The following TSHR variants were observed in gnomAD, a reference collection of about 807,000 sequenced individuals.
TSHR encodes thyrotropin receptor.
Under a neutral mutation model 64.1 loss-of-function variants are expected in TSHR, and 51 were observed. That is an observed-to-expected ratio of 0.80 (90% CI 0.64 to 1.01). The LOEUF is 1.01. Ranked by LOEUF, TSHR falls within the 50% of genes least tolerant of loss-of-function variation. The pLI is 0.00. For missense variants in TSHR, 877 were observed against 942.8 expected, an observed-to-expected ratio of 0.93 and a Z score of 0.91; for synonymous variants, 361 against 361.9, an observed-to-expected ratio of 1.00 and a Z score of 0.03.
At chr14:81,045,903 G>A (rs1039951512) in intron 1 of TSHR, among the ~76,000 whole-genome samples, 1 of 152,138 alleles carries the variant, frequency 6.6e-6, no homozygotes, top group Non-Finnish European at 1.5e-5. Flanking sequence ...CATTCTCATG[G>A]CATCATCAGA....
intron 1 of TSHR, among the ~76,000 whole-genome samples, chr14:81,033,882 AT>A (rs1414228975): frequency 6.6e-6 from 1 of 152,244 alleles, no homozygotes; most frequent in East Asian, 1.9e-4. Flanking sequence ...AGGAATTCTT[AT>A]AGTGGTGATC....
chr14:81,032,443 C>T, intron 1 of TSHR: 1 of 301,720 alleles, frequency 3.3e-6, no homozygotes, highest in South Asian at 4.1e-5. Flanking sequence ...TTGCAAGACA[C>T]TTCAGGTTCA....
intron 1 of TSHR, among the ~76,000 whole-genome samples, chr14:81,058,358 T>C (rs1470265371): frequency 3.9e-5 from 6 of 152,232 alleles, no homozygotes; most frequent in African/African-American, 9.6e-5. Flanking sequence ...CAAATTGGAA[T>C]TGCAAACTCA....
At chr14:81,018,655 C>T (rs1039621026) in intron 1 of TSHR, among the ~76,000 whole-genome samples, 2 of 152,098 alleles carry the variant, frequency 1.3e-5, no homozygotes, top group Admixed American at 1.3e-4. Context: ...TAGAAATGAA[C>T]CTGCATTCAG....
intron 1 of TSHR, among the ~76,000 whole-genome samples, chr14:80,970,238 C>T (rs1189491080): frequency 6.6e-6 from 1 of 152,204 alleles, no homozygotes; most frequent in Non-Finnish European, 1.5e-5. Context: ...GCCACCTATT[C>T]ATGAATTTAC....
intron 5 of TSHR, 89 bp from the exon 6 acceptor site, chr14:81,092,442 C>G: frequency 8.8e-7 from 1 of 1,139,604 alleles, no homozygotes; most frequent in Non-Finnish European, 1.3e-6. Flanking sequence ...ATATTGTGTC[C>G]TGTTATTTAA....
At chr14:81,107,306 A>T (rs1276594916) in intron 7 of TSHR, among the ~76,000 whole-genome samples, 1 of 152,184 alleles carries the variant, frequency 6.6e-6, no homozygotes, top group African/African-American at 2.4e-5. Context: ...ATCTAAGCAG[A>T]CCTTCTGAGG....
chr14:81,094,685 T>TC (rs1889023757), intron 6 of TSHR, among the ~76,000 whole-genome samples: 1 of 116,856 alleles, frequency 8.6e-6, no homozygotes, highest in Non-Finnish European at 1.7e-5. Context: ...TTTAATTTTT[T>TC]TTTTTTTTTT....
intron 1 of TSHR, among the ~76,000 whole-genome samples, chr14:81,016,177 T>G (rs1250434977): frequency 6.6e-6 from 1 of 152,172 alleles, no homozygotes; most frequent in African/African-American, 2.4e-5. Flanking sequence ...GGCTCTATTT[T>G]TAAGTTTTTC....
intron 3 of TSHR, 185 bp downstream of exon 3, chr14:81,068,513 C>T (rs1235573684): frequency 1.7e-6 from 1 of 599,408 alleles, no homozygotes; most frequent in Admixed American, 2.6e-5. Context: ...CACCTCAATT[C>T]CATGGTTGGA....
Position 81,103,349 on chromosome 14 carries a change from G to A in TSHR, c.615-5026G>A. The A allele has an allele frequency of 4.1e-6, 4 of 985,418 alleles. No homozygotes were observed. The highest frequency in any genetic ancestry group is 4.8e-6 in the Non-Finnish European group (4 of 829,922). 61.0% of individuals were successfully genotyped at this position (985,418 alleles called of 1,614,324 possible). A position where few individuals can be genotyped will look rare whatever the true frequency, so the allele number is the denominator to read the frequency against. ...TAGCAATTTGGTAATTTCTCCAGAA[G>A]TTTGTCCAGGTATCATTAGGTTCTC... is the stretch of plus-strand genomic sequence containing the variant. On this transcript the variant is annotated intron_variant, in intron 7 of 9. Coordinates refer to ENST00000298171, the MANE Select transcript of TSHR (RefSeq NM_000369.5). The surrounding 1 kb of genome is among the most constrained non-coding windows in gnomAD (Gnocchi z 4.1).
intron 1 of TSHR, among the ~76,000 whole-genome samples, chr14:81,046,246 T>C (rs188567221): frequency 4.3e-4 from 66 of 152,096 alleles, no homozygotes; most frequent in Admixed American, 1.4e-3. Context: ...ACAGAGATGA[T>C]GGAATTAACA....
At chr14:81,000,095 C>T (rs1010186879) in intron 1 of TSHR, among the ~76,000 whole-genome samples, 1 of 152,002 alleles carries the variant, frequency 6.6e-6, no homozygotes, top group Non-Finnish European at 1.5e-5. Flanking sequence ...CCACACCTGG[C>T]TAATTTTTTG....
chr14:81,140,078 G>T (rs2273845), intron 9 of TSHR, among the ~76,000 whole-genome samples: 7,214 of 152,232 alleles, frequency 0.047, 435 homozygotes, highest in East Asian at 0.24. Flanking sequence ...GCTGGATAGC[G>T]GTAGAGCAGA....
chr14:81,067,517 C>G (rs541466910), intron 2 of TSHR, among the ~76,000 whole-genome samples: 249 of 130,292 alleles, frequency 1.9e-3, no homozygotes, highest in African/African-American at 8.0e-3. Context: ...TGATATATCA[C>G]TATATATAAT....
intron 8 of TSHR, among the ~76,000 whole-genome samples, chr14:81,123,826 G>A (rs1258902419): frequency 2.0e-5 from 3 of 151,948 alleles, no homozygotes; most frequent in Non-Finnish European, 4.4e-5. Flanking sequence ...AGTATAATAA[G>A]GTTTTTTATT....
intron 1 of TSHR, chr14:81,051,945 T>C (rs1346224584): frequency 1.3e-5 from 2 of 152,144 alleles, no homozygotes; most frequent in African/African-American, 2.4e-5. Flanking sequence ...CTTATCAAAA[T>C]GAGGCCCTTT....
At chr14:81,120,139 C>A (rs978244832) in intron 8 of TSHR, among the ~76,000 whole-genome samples, 7 of 148,732 alleles carry the variant, frequency 4.7e-5, no homozygotes, top group Non-Finnish European at 7.4e-5. Context: ...TGTAACTAAC[C>A]TGCACAATGT....
chr14:81,126,260 G>T (rs965180681), intron 8 of TSHR, among the ~76,000 whole-genome samples: 15 of 152,316 alleles, frequency 9.8e-5, no homozygotes, highest in African/African-American at 3.6e-4. Flanking sequence ...AAAGCAGTTA[G>T]TGCAAAGATC....
Sources: gnomAD v4.1 joint callset for allele counts (sites outside exome capture counted in the v4.1 genomes callset) on GRCh38, gnomAD v4.1.1 for gene constraint, Gnocchi (gnomAD v3.1) non-coding constraint, MANE v1.5 for transcripts, NCBI Gene and HGNC (gene_info 2026-07-23, HGNC 2026-07-21) for gene names.